Variants in SRGAP3 observed in about 807,000 individuals in gnomAD.
SRGAP3 encodes the protein SLIT-ROBO Rho GTPase activating protein 3, also known as SLIT-ROBO Rho GTPase-activating protein 3.
Under a neutral mutation model 121.1 loss-of-function variants are expected in SRGAP3, and 39 were observed. That is an observed-to-expected ratio of 0.32 (90% CI 0.25 to 0.42). The LOEUF (loss-of-function observed/expected upper bound fraction) is 0.42. Among genes scored for constraint, SRGAP3 ranks in the 10% least tolerant of loss-of-function variants. The pLI is 1.00. For missense variants in SRGAP3, 1,213 were observed against 1,470.6 expected (o/e 0.82, Z 2.86); for synonymous variants, 601 against 570.0 (o/e 1.05, Z -0.77).
intron 1 of SRGAP3, among the ~76,000 whole-genome samples, chr3:9,180,349 C>T (rs528615140): frequency 6.6e-6 from 1 of 152,220 alleles, no homozygotes; most frequent in Non-Finnish European, 1.5e-5. Context: ...AGAGTTACAG[C>T]AGGGTGAGCG....
chr3:9,135,669 G>A (rs1049700574), intron 1 of SRGAP3, among the ~76,000 whole-genome samples: 3 of 152,246 alleles, frequency 2.0e-5, no homozygotes, highest in African/African-American at 7.2e-5. Flanking sequence ...TATCTTGCAG[G>A]GTTGTTGCCA....
At chr3:9,052,426 G>T (rs1945621858) in intron 9 of SRGAP3, among the ~76,000 whole-genome samples, 1 of 152,168 alleles carries the variant, frequency 6.6e-6, no homozygotes, top group African/African-American at 2.4e-5. Context: ...CCTGGTCAGG[G>T]ATGTGGCTGA....
At chr3:9,323,395 C>G (rs1955467766) in intron 3 of SRGAP3, among the ~76,000 whole-genome samples, 1 of 151,896 alleles carries the variant, frequency 6.6e-6, no homozygotes, top group South Asian at 2.1e-4. Flanking sequence ...AAATAAGAAT[C>G]TTTATCACAG....
chr3:9,163,245 C>A (rs563131662), intron 1 of SRGAP3, among the ~76,000 whole-genome samples: 21 of 152,370 alleles, frequency 1.4e-4, no homozygotes, highest in Non-Finnish European at 2.9e-4. Context: ...CCAACACAGG[C>A]ATCAGCGCCC....
chr3:9,119,039 A>G (rs899604066), intron 2 of SRGAP3, among the ~76,000 whole-genome samples: 13 of 152,302 alleles, frequency 8.5e-5, no homozygotes, highest in Middle Eastern at 3.4e-3. Context: ...GAGAGGTGCT[A>G]GGGACCCCGG....
chr3:9,010,260 G>A (rs1422385871), intron 18 of SRGAP3, 48 bp downstream of exon 18: 3 of 1,607,692 alleles, frequency 1.9e-6, no homozygotes, highest in African/African-American at 1.3e-5. Context: ...AAGTCAGTGT[G>A]AGAGGCCCCA....
chr3:9,047,670 C>T (rs149980195), intron 9 of SRGAP3, among the ~76,000 whole-genome samples, 195 bp from the exon 10 acceptor site: 6 of 152,330 alleles, frequency 3.9e-5, no homozygotes, highest in African/African-American at 7.2e-5. Context: ...CGCTGACAGG[C>T]GGAGGCCAGG....
At chr3:9,256,989 A>AGCTG (rs941175740) in intron 3 of SRGAP3, 1 of 397,116 alleles carries the variant, frequency 2.5e-6, no homozygotes, top group Non-Finnish European at 4.4e-6. Flanking sequence ...GCAAGTTGTT[A>AGCTG]GCTGGCACCC....
chr3:9,049,597 A>T (rs770397025), intron 9 of SRGAP3: 25 of 426,170 alleles, frequency 5.9e-5, no homozygotes, highest in Non-Finnish European at 1.1e-4. Flanking sequence ...TGTTTCTCCA[A>T]GTGTGGGGCA....
chr3:9,110,657 G>T (rs1317587424), intron 2 of SRGAP3, among the ~76,000 whole-genome samples: 1 of 152,246 alleles, frequency 6.6e-6, no homozygotes, highest in Non-Finnish European at 1.5e-5. Flanking sequence ...CCATTCTCTA[G>T]GTCCATCCCA....
Position 9,099,808 on chromosome 3 carries a change from A to G in SRGAP3, c.423+4872T>C, listed in dbSNP as rs532463873. On this transcript the variant is annotated intron_variant, in intron 3 of 21. Transcript: ENST00000383836. ...CTGCATTTAATAAAGCCTCCAGGTG[A>G]TCCTGATGCATGCTAGATTTTAAGA... Among the ~76,000 whole-genome samples, 77 of 152,346 alleles carry G rather than the reference A, an allele frequency of 5.1e-4. 1 individual carries two copies. Among genetic ancestry groups the G allele is most frequent in the Non-Finnish European group, 9.6e-4 (65 of 68,038 alleles).
At chr3:9,234,201 A>C (rs1478777259) in intron 1 of SRGAP3, among the ~76,000 whole-genome samples, 1 of 152,202 alleles carries the variant, frequency 6.6e-6, no homozygotes, top group Non-Finnish European at 1.5e-5. Flanking sequence ...CAAGAGGTCA[A>C]GGAGTAATCA....
intron 3 of SRGAP3, among the ~76,000 whole-genome samples, chr3:9,261,942 G>A (rs544559393): frequency 6.7e-6 from 1 of 148,672 alleles, no homozygotes; most frequent in Non-Finnish European, 1.5e-5. Flanking sequence ...AGGAAAAAAT[G>A]TTTAGGGCAG....
chr3:9,296,480 T>C (rs1342863481), intron 3 of SRGAP3, among the ~76,000 whole-genome samples: 1 of 152,244 alleles, frequency 6.6e-6, no homozygotes, highest in African/African-American at 2.4e-5. Flanking sequence ...GTAGCCATCT[T>C]GGCAGAGTAA....
intron 1 of SRGAP3, among the ~76,000 whole-genome samples, chr3:9,228,979 G>A (rs1417415873): frequency 1.1e-4 from 17 of 150,470 alleles, no homozygotes; most frequent in African/African-American, 2.7e-4. Flanking sequence ...GGAGAATGGC[G>A]TGAACCCGGG....
chr3:9,038,833 A>G (rs1944892771), intron 10 of SRGAP3, among the ~76,000 whole-genome samples: 2 of 151,456 alleles, frequency 1.3e-5, no homozygotes, highest in Admixed American at 1.3e-4. Context: ...AGCATCACCA[A>G]TCTCCTCTCT....
intron 3 of SRGAP3, among the ~76,000 whole-genome samples, chr3:9,310,544 G>C (rs1430704152): frequency 6.6e-6 from 1 of 152,082 alleles, no homozygotes; most frequent in Non-Finnish European, 1.5e-5. Flanking sequence ...CTGGGAAGAG[G>C]TGCTTCTGCA....
intron 3 of SRGAP3, among the ~76,000 whole-genome samples, chr3:9,266,345 C>T (rs919025941): frequency 6.6e-6 from 1 of 151,628 alleles, no homozygotes; most frequent in African/African-American, 2.4e-5. Flanking sequence ...ATGTTCTGCA[C>T]ATGTATCCCA....
intron 1 of SRGAP3, among the ~76,000 whole-genome samples, chr3:9,359,896 T>C (rs1444554146): frequency 6.6e-6 from 1 of 152,258 alleles, no homozygotes; most frequent in African/African-American, 2.4e-5. Context: ...TTTGACTAAA[T>C]CAATAAGGCC....
Sources: allele counts gnomAD v4.1 joint callset (sites outside exome capture counted in the v4.1 genomes callset), GRCh38; gene constraint gnomAD v4.1.1; transcripts MANE v1.5; gene names NCBI Gene and HGNC (gene_info 2026-07-23, HGNC 2026-07-21).